HDAC4: variants seen among roughly 807,000 people sequenced by gnomAD.
HDAC4 encodes the protein histone deacetylase A.
HDAC4 carries 16 observed loss-of-function variants against 135.1 expected under a neutral mutation model. The observed-to-expected ratio is 0.12, with a 90% CI of 0.08 to 0.18. The LOEUF (loss-of-function observed/expected upper bound fraction) is 0.18. Ranked by LOEUF, HDAC4 falls within the 10% of genes least tolerant of loss-of-function variation. The pLI is 1.00. For missense variants in HDAC4, 1,143 were observed against 1,511.8 expected, an observed-to-expected ratio of 0.76 and a Z score of 4.05; for synonymous variants, 685 against 653.4, an observed-to-expected ratio of 1.05 and a Z score of -0.74.
intron 1 of HDAC4, among the ~76,000 whole-genome samples, chr2:239,396,719 T>C (rs937196425): frequency 6.6e-6 from 1 of 152,198 alleles, no homozygotes; most frequent in Non-Finnish European, 1.5e-5. Flanking sequence ...CCAAAGAGAT[T>C]TTTTAAAAAA....
intron 3 of HDAC4, among the ~76,000 whole-genome samples, chr2:239,210,540 A>G (rs2046308309): frequency 6.6e-6 from 1 of 152,192 alleles, no homozygotes; most frequent in Non-Finnish European, 1.5e-5. Flanking sequence ...GTGTACATTT[A>G]TTACCCGGCC....
chr2:239,336,099 T>C (rs1158592922), intron 2 of HDAC4, among the ~76,000 whole-genome samples: 1 of 152,178 alleles, frequency 6.6e-6, no homozygotes, highest in Non-Finnish European at 1.5e-5. Context: ...TCTAACATAT[T>C]GTCAAGTGAA....
intron 2 of HDAC4, among the ~76,000 whole-genome samples, chr2:239,246,984 T>A (rs1238062004): frequency 2.0e-5 from 3 of 151,748 alleles, no homozygotes; most frequent in African/African-American, 7.3e-5. Flanking sequence ...GTGGGAGGAG[T>A]CACACACAAC....
chr2:239,134,171 A>T (rs1019184616), intron 11 of HDAC4, 74 bp downstream of exon 11: 1 of 1,218,042 alleles, frequency 8.2e-7, no homozygotes, highest in Non-Finnish European at 1.2e-6. Flanking sequence ...CTCCAAAGGC[A>T]GGCGAAGGCG....
chr2:239,354,353 G>A (rs964158837), intron 1 of HDAC4, among the ~76,000 whole-genome samples: 2 of 152,078 alleles, frequency 1.3e-5, no homozygotes, highest in Non-Finnish European at 2.9e-5. Context: ...AGAGTGGCAT[G>A]TGGCACCAGC....
intron 3 of HDAC4, among the ~76,000 whole-genome samples, chr2:239,219,669 G>A (rs993700220): frequency 6.6e-6 from 1 of 152,082 alleles, no homozygotes; most frequent in Non-Finnish European, 1.5e-5. Flanking sequence ...CAAATCCAGT[G>A]TAAGGCTCAG....
chr2:239,172,029 T>C (rs577390142), intron 5 of HDAC4, among the ~76,000 whole-genome samples: 1 of 151,852 alleles, frequency 6.6e-6, no homozygotes, highest in Admixed American at 6.6e-5. Flanking sequence ...TTAATAAAAG[T>C]GGAAAGGATA....
Position 239,089,966 on chromosome 2 carries a change from G to A in HDAC4, c.2388+43C>T, listed in dbSNP as rs113832920. 3,441 of 1,406,610 alleles carry A rather than the reference G, an allele frequency of 2.4e-3. 86 individuals carry two copies. In the African/African-American group the frequency reaches 0.043, roughly 18 times the overall value. 87.1% of individuals were successfully genotyped at this position (1,406,610 alleles called of 1,614,324 possible). On this transcript the variant is annotated intron_variant, in intron 18 of 26. Transcript: ENST00000543185. ...CCCCTCCCCACACTGGGAATCTATG[G>A]CAGGCCTCCTGGAGGGCCACCACTG... is the stretch of plus-strand genomic sequence containing the variant.
chr2:239,185,447 G>A (rs2044485277), intron 4 of HDAC4, among the ~76,000 whole-genome samples: 2 of 151,546 alleles, frequency 1.3e-5, no homozygotes, highest in Non-Finnish European at 3.0e-5. Context: ...GCCCTGTGGG[G>A]GTGTCCCGTG....
chr2:239,143,693 A>G (rs1216590504), intron 8 of HDAC4, among the ~76,000 whole-genome samples: 1 of 152,238 alleles, frequency 6.6e-6, no homozygotes, highest in African/African-American at 2.4e-5. Context: ...TCACTGCTGA[A>G]GCAGAGTCCC....
At chr2:239,096,765 A>G (rs1489640985) in intron 16 of HDAC4, among the ~76,000 whole-genome samples, 1 of 143,534 alleles carries the variant, frequency 7.0e-6, no homozygotes, top group Non-Finnish European at 1.5e-5. Flanking sequence ...CCCCCCACAG[A>G]CACCCACATG....
At chr2:239,186,273 A>C (rs1354615442) in intron 4 of HDAC4, among the ~76,000 whole-genome samples, 1 of 152,242 alleles carries the variant, frequency 6.6e-6, no homozygotes, top group East Asian at 1.9e-4. Flanking sequence ...CTCCCTTTTC[A>C]ATTATAAAAC....
chr2:239,190,170 G>C (rs552442035), intron 3 of HDAC4, 93 bp from the exon 4 acceptor site: 50 of 1,428,494 alleles, frequency 3.5e-5, no homozygotes, highest in Non-Finnish European at 2.8e-6. Flanking sequence ...CCACCTTCAC[G>C]GGGCGGGGGG....
chr2:239,301,303 C>T (rs1360268411), intron 2 of HDAC4, among the ~76,000 whole-genome samples: 1 of 152,122 alleles, frequency 6.6e-6, no homozygotes, highest in African/African-American at 2.4e-5. Flanking sequence ...TGGGAACTGA[C>T]CCTGCCGTGA....
intron 1 of HDAC4, among the ~76,000 whole-genome samples, chr2:239,367,803 A>G (rs920986921): frequency 9.2e-5 from 14 of 152,134 alleles, no homozygotes; most frequent in East Asian, 1.9e-4. Flanking sequence ...GTGAAACCCC[A>G]TCTCTACTAA....
chr2:239,301,594 C>G (rs984108023), intron 2 of HDAC4, among the ~76,000 whole-genome samples: 2 of 152,012 alleles, frequency 1.3e-5, no homozygotes, highest in Non-Finnish European at 2.9e-5. Flanking sequence ...GATCCTCCCA[C>G]CTCAGCTTCC....
At chr2:239,305,198 G>A (rs971327494) in intron 2 of HDAC4, among the ~76,000 whole-genome samples, 3 of 152,234 alleles carry the variant, frequency 2.0e-5, no homozygotes, top group South Asian at 2.1e-4. Context: ...GAGGATTGCT[G>A]CTGTGTTTTC....
At chr2:239,099,333 G>A (rs532692618) in intron 16 of HDAC4, among the ~76,000 whole-genome samples, 2 of 152,358 alleles carry the variant, frequency 1.3e-5, no homozygotes, top group South Asian at 2.1e-4. Flanking sequence ...ACAGAACTGC[G>A]TGTGTGCAGG....
chr2:239,188,719 C>T (rs1421283205), intron 4 of HDAC4, among the ~76,000 whole-genome samples: 1 of 152,246 alleles, frequency 6.6e-6, no homozygotes, highest in Non-Finnish European at 1.5e-5. Context: ...TTGGTGGCGG[C>T]CTGCCACTTC....
Sources: allele counts gnomAD v4.1 joint callset (sites outside exome capture counted in the v4.1 genomes callset), GRCh38; gene constraint gnomAD v4.1.1; transcripts MANE v1.5; gene names NCBI Gene and HGNC (gene_info 2026-07-23, HGNC 2026-07-21).